Variants in ADAMTSL1 observed in about 807,000 individuals in gnomAD.
ADAMTSL1 encodes the protein ADAMTS-like protein 1.
ADAMTSL1 carries 126 observed loss-of-function variants against 201.8 expected under a neutral mutation model. The ratio of observed to expected loss-of-function variants is 0.62; its 90% CI spans 0.54 to 0.72. The LOEUF is 0.72. Ranked by LOEUF, ADAMTSL1 falls within the 30% of genes least tolerant of loss-of-function variation. The pLI is 0.00. For missense variants in ADAMTSL1, 2,679 were observed against 2,277.8 expected (o/e 1.18, Z -3.59); for synonymous variants, 1,121 against 903.4 (o/e 1.24, Z -4.32).
intron 15 of ADAMTSL1, among the ~76,000 whole-genome samples, chr9:18,734,556 C>T (rs985178288): frequency 6.6e-6 from 1 of 152,084 alleles, no homozygotes; most frequent in African/African-American, 2.4e-5. Flanking sequence ...AGACCCTGGG[C>T]CGCGCACTAA....
chr9:18,146,540 C>A (rs1313728017), intron 1 of ADAMTSL1, among the ~76,000 whole-genome samples: 1 of 152,066 alleles, frequency 6.6e-6, no homozygotes, highest in Non-Finnish European at 1.5e-5. Flanking sequence ...TCAATAGTTG[C>A]TAGAGGTTTT....
At chr9:18,625,277 T>G (rs1273497314) in intron 5 of ADAMTSL1, among the ~76,000 whole-genome samples, 1 of 152,074 alleles carries the variant, frequency 6.6e-6, no homozygotes, top group Non-Finnish European at 1.5e-5. Flanking sequence ...TCCAAGTTTT[T>G]TTTTTTTTTC....
intron 2 of ADAMTSL1, among the ~76,000 whole-genome samples, chr9:18,466,029 G>C (rs1820991062): frequency 6.6e-6 from 1 of 152,170 alleles, no homozygotes; most frequent in African/African-American, 2.4e-5. Context: ...GGGATTACAG[G>C]AGTGAGCCAC....
intron 17 of ADAMTSL1, among the ~76,000 whole-genome samples, chr9:18,774,461 T>C (rs1012883512): frequency 2.0e-5 from 3 of 152,002 alleles, no homozygotes; most frequent in African/African-American, 7.2e-5. Context: ...TCCCATCTGA[T>C]CCCTGTTTCT....
At chr9:18,406,085 G>A (rs1818180179) in intron 2 of ADAMTSL1, among the ~76,000 whole-genome samples, 1 of 152,152 alleles carries the variant, frequency 6.6e-6, no homozygotes. Flanking sequence ...ATGCAGTCCA[G>A]TCGTGTTTTA....
intron 1 of ADAMTSL1, among the ~76,000 whole-genome samples, chr9:17,969,861 C>T (rs1469833894): frequency 6.6e-6 from 1 of 151,976 alleles, no homozygotes; most frequent in Admixed American, 6.6e-5. Context: ...CATATGCAAA[C>T]TTGTTTTGGT....
chr9:17,969,663 C>T (rs1818128456), intron 1 of ADAMTSL1, among the ~76,000 whole-genome samples: 1 of 151,952 alleles, frequency 6.6e-6, no homozygotes, highest in Admixed American at 6.6e-5. Context: ...TGAGCTAGAA[C>T]ACCTAGTTGT....
intron 2 of ADAMTSL1, among the ~76,000 whole-genome samples, chr9:18,311,312 C>T (rs1438984567): frequency 6.6e-6 from 1 of 151,738 alleles, no homozygotes; most frequent in Non-Finnish European, 1.5e-5. Flanking sequence ...ATGTAACGTG[C>T]ACATTCTGCA....
intron 11 of ADAMTSL1, 54 bp downstream of exon 11, chr9:18,680,570 T>C (rs769941589): frequency 6.3e-7 from 1 of 1,589,022 alleles, no homozygotes; most frequent in South Asian, 1.1e-5. Flanking sequence ...CTCTTCCCTC[T>C]CATCATCATG....
chr9:18,436,971 C>G (rs112295089), intron 2 of ADAMTSL1, among the ~76,000 whole-genome samples: 1,583 of 152,140 alleles, frequency 0.01, 31 homozygotes, highest in African/African-American at 0.036. Flanking sequence ...CACTCTAGAG[C>G]TAAAACAACC....
chr9:18,629,597 G>A (rs1427448175), intron 5 of ADAMTSL1, among the ~76,000 whole-genome samples: 3 of 152,066 alleles, frequency 2.0e-5, no homozygotes, highest in Non-Finnish European at 4.4e-5. Context: ...AGTGTACTTG[G>A]TCATGGTGTA....
In ADAMTSL1 at chr9:18,317,699, C is replaced by T. The variant is rs574427299; in HGVS notation, c.207+153718C>T. Among the ~76,000 whole-genome samples the T allele has an allele frequency of 3.9e-5, 6 of 152,298 alleles. 1 individual carries two copies. The highest frequency in any genetic ancestry group is 9.6e-5 in the African/African-American group (4 of 41,576). ...ACTTCAGCACCCAGCCTGCTCACCC[C>T]GAGGTCTTCCCTTACACCCTTACAC... is the stretch of plus-strand genomic sequence containing the variant. On this transcript the variant is annotated intron_variant, in intron 2 of 29. Coordinates refer to the ADAMTSL1 transcript ENST00000680146.
chr9:18,453,647 A>G (rs1431701311), intron 2 of ADAMTSL1, among the ~76,000 whole-genome samples: 1 of 151,968 alleles, frequency 6.6e-6, no homozygotes, highest in Admixed American at 6.6e-5. Context: ...TTGCTTGGAA[A>G]TCTCTCCTGC....
intron 2 of ADAMTSL1, among the ~76,000 whole-genome samples, chr9:18,200,127 A>G (rs1829376126): frequency 1.3e-5 from 2 of 152,190 alleles, no homozygotes; most frequent in African/African-American, 4.8e-5. Context: ...TAATATACCA[A>G]GTGAATACTT....
At chr9:18,721,793 CT>C in intron 15 of ADAMTSL1, 128 bp downstream of exon 15, 1 of 1,386,678 alleles carries the variant, frequency 7.2e-7, no homozygotes, top group East Asian at 2.6e-5. Flanking sequence ...TCAGTTCAAA[CT>C]TTTAGTCAAA....
At chr9:18,068,089 G>A (rs953955780) in intron 1 of ADAMTSL1, among the ~76,000 whole-genome samples, 1 of 152,136 alleles carries the variant, frequency 6.6e-6, no homozygotes, top group Admixed American at 6.5e-5. Context: ...GGTCCTGCCC[G>A]GAGGCATAGT....
At chr9:18,224,644 T>C (rs1261676884) in intron 2 of ADAMTSL1, among the ~76,000 whole-genome samples, 1 of 152,194 alleles carries the variant, frequency 6.6e-6, no homozygotes, top group Non-Finnish European at 1.5e-5. Flanking sequence ...AAGTATCTTA[T>C]GAACATCCTA....
chr9:18,714,321 T>A (rs1415303740), intron 14 of ADAMTSL1, among the ~76,000 whole-genome samples: 1 of 151,766 alleles, frequency 6.6e-6, no homozygotes, highest in Admixed American at 6.6e-5. Context: ...GCTGGTTTTT[T>A]GAAAGGATCA....
intron 2 of ADAMTSL1, among the ~76,000 whole-genome samples, chr9:18,373,659 C>A (rs892160492): frequency 1.9e-4 from 29 of 152,142 alleles, no homozygotes; most frequent in African/African-American, 6.3e-4. Flanking sequence ...CCACTGCCAA[C>A]ATCCAGCAGC....
Sources: gnomAD v4.1 joint callset for allele counts (sites outside exome capture counted in the v4.1 genomes callset) on GRCh38, gnomAD v4.1.1 for gene constraint, MANE v1.5 for transcripts, NCBI Gene and HGNC (gene_info 2026-07-23, HGNC 2026-07-21) for gene names.